TRIM9: variants seen among roughly 807,000 people sequenced by gnomAD.
TRIM9 encodes tripartite motif containing 9.
TRIM9 carries 26 observed loss-of-function variants against 78.3 expected under a neutral mutation model. That is an observed-to-expected ratio of 0.33 (90% CI 0.24 to 0.46). The LOEUF (loss-of-function observed/expected upper bound fraction) is 0.46, where lower values mean the gene tolerates loss of function less well. Among genes scored for constraint, TRIM9 ranks in the 20% least tolerant of loss-of-function variants. The probability of loss-of-function intolerance (pLI) is 1.00; values close to 1 mark genes in which losing one functional copy is unlikely to be tolerated. For missense variants in TRIM9, 787 were observed against 1,036.4 expected (o/e 0.76, Z 3.30); for synonymous variants, 398 against 416.5 (o/e 0.96, Z 0.54).
intron 11 of TRIM9, 65 bp from the exon 12 acceptor site, chr14:50,979,614 G>A: frequency 7.2e-7 from 1 of 1,394,508 alleles, no homozygotes; most frequent in Admixed American, 1.8e-5. Flanking sequence ...CCCCCCTTTT[G>A]TGTGGTGAAA....
intron 5 of TRIM9, among the ~76,000 whole-genome samples, chr14:51,002,249 G>A (rs1383675092): frequency 6.6e-6 from 1 of 151,752 alleles, no homozygotes; most frequent in African/African-American, 2.4e-5. Context: ...AGCCTCCCGA[G>A]TAGCTGGGAC....
At chr14:51,080,722 T>C (rs541288581) in intron 1 of TRIM9, among the ~76,000 whole-genome samples, 34 of 152,126 alleles carry the variant, frequency 2.2e-4, no homozygotes, top group Non-Finnish European at 4.1e-4. Flanking sequence ...CTTTTTTGAA[T>C]ACTGCCATGG....
At chr14:51,078,205 G>A (rs74054039) in intron 1 of TRIM9, among the ~76,000 whole-genome samples, 4,531 of 152,272 alleles carry the variant, frequency 0.03, 166 homozygotes, top group African/African-American at 0.085. Context: ...CATGGTTGGG[G>A]AGATAAAAGA....
At chr14:51,038,360 T>C (rs1474065897) in intron 1 of TRIM9, among the ~76,000 whole-genome samples, 2 of 152,170 alleles carry the variant, frequency 1.3e-5, no homozygotes, top group Non-Finnish European at 2.9e-5. Context: ...CTATGTTGTT[T>C]TAAGTTGCTA....
chr14:51,020,837 T>C (rs1391585273), intron 3 of TRIM9, among the ~76,000 whole-genome samples: 2 of 152,230 alleles, frequency 1.3e-5, no homozygotes, highest in Non-Finnish European at 2.9e-5. Flanking sequence ...GCTGCCTTTA[T>C]GTCTCTCCCA....
chr14:51,050,696 A>C (rs940602724), intron 1 of TRIM9, among the ~76,000 whole-genome samples: 1 of 152,132 alleles, frequency 6.6e-6, no homozygotes, highest in Non-Finnish European at 1.5e-5. Context: ...TCATAACAAG[A>C]ATACAGCTTC....
At chr14:51,087,634 A>G (rs934947764) in intron 1 of TRIM9, among the ~76,000 whole-genome samples, 2 of 152,198 alleles carry the variant, frequency 1.3e-5, no homozygotes, top group Non-Finnish European at 2.9e-5. Context: ...CATTTTATAG[A>G]TAACTCTTGT....
At chr14:51,023,501 A>C (rs1160523621) in intron 2 of TRIM9, among the ~76,000 whole-genome samples, 3 of 152,242 alleles carry the variant, frequency 2.0e-5, no homozygotes, top group Non-Finnish European at 4.4e-5. Context: ...GAAAAAAACA[A>C]TCAATGTGTG....
intron 1 of TRIM9, among the ~76,000 whole-genome samples, chr14:51,069,335 A>G (rs1029694921): frequency 1.3e-5 from 2 of 152,170 alleles, no homozygotes; most frequent in African/African-American, 2.4e-5. Context: ...CTCCTAGAGG[A>G]CATTGGCAAT....
chr14:50,984,884 G>A (rs1003989616), intron 8 of TRIM9, among the ~76,000 whole-genome samples: 2 of 152,128 alleles, frequency 1.3e-5, no homozygotes, highest in Non-Finnish European at 2.9e-5. Context: ...AAAGCATGTT[G>A]GGAAGCCATA....
chr14:51,014,036 C>T (rs2056877408), intron 3 of TRIM9, among the ~76,000 whole-genome samples: 1 of 152,088 alleles, frequency 6.6e-6, no homozygotes, highest in South Asian at 2.1e-4. Context: ...TACTGGAAGT[C>T]CGAATAATAA....
At chr14:51,009,438 TG>T (rs1001912900) in intron 4 of TRIM9, among the ~76,000 whole-genome samples, 4 of 152,164 alleles carry the variant, frequency 2.6e-5, no homozygotes, top group Admixed American at 6.5e-5. Flanking sequence ...TTTTGTGAGT[TG>T]GGGGGCACTA....
chr14:51,013,313 G>T (rs914314194), intron 3 of TRIM9, among the ~76,000 whole-genome samples: 1 of 151,124 alleles, frequency 6.6e-6, no homozygotes, highest in African/African-American at 2.4e-5. Context: ...GATAGTCTTA[G>T]CACCTTGTGA....
At chr14:50,994,502 A>G (rs1252660349) in intron 7 of TRIM9, among the ~76,000 whole-genome samples, 1 of 152,238 alleles carries the variant, frequency 6.6e-6, no homozygotes, top group Non-Finnish European at 1.5e-5. Context: ...CTAAATAGAT[A>G]GACTTTGTCC....
chr14:50,995,960 C>CT lies in TRIM9; in HGVS notation c.1603+2089dup, dbSNP rs34469615. 7.7e-3 allele frequency: 2,395 copies of CT among 311,580 alleles called. 9 individuals carry two copies. The highest frequency in any genetic ancestry group is 9.6e-3 in the Non-Finnish European group (2,049 of 214,536). 19.3% of individuals were successfully genotyped at this position (311,580 alleles called of 1,614,324 possible). A position where few individuals can be genotyped will look rare whatever the true frequency, so the allele number is the denominator to read the frequency against. ...GTCTATTGTTACAGATCGATCATAT[C>CT]TTTTTTTTTAAAATAAGCTATTCAC... is the stretch of plus-strand genomic sequence containing the variant. On this transcript the variant is annotated intron_variant, in intron 7 of 12. Coordinates refer to ENST00000684578, the MANE Select transcript of TRIM9 (RefSeq NM_001387360.1).
At chr14:51,027,409 G>T (rs2058351391) in intron 1 of TRIM9, among the ~76,000 whole-genome samples, 1 of 152,124 alleles carries the variant, frequency 6.6e-6, no homozygotes, top group African/African-American at 2.4e-5. Flanking sequence ...CTCCCAAAGT[G>T]CTGGGATTAC....
chr14:51,053,437 A>G (rs1442494828), intron 1 of TRIM9, among the ~76,000 whole-genome samples: 7 of 151,138 alleles, frequency 4.6e-5, no homozygotes, highest in African/African-American at 1.7e-4. Context: ...AGTTTGTATC[A>G]GTTTGTAGTT....
Position 50,981,974 on chromosome 14 carries a change from AT to A in TRIM9, c.1987del (p.Ile663SerfsTer8). ...ATCTACCGTGAGCTCCCAGTAGTGG[AT>A]GCCCTTGGAGAAGCCAGTCTTCCCT... Reference protein sequence around the residue: ...VLGKTGFSKGIHYWELTVDRY... With the variant: ...VLGKTGFSKGXHYWELTVDRY... On this transcript the variant is annotated frameshift_variant, in exon 11 of 13. Transcript: ENST00000684578. LOFTEE classifies it high-confidence loss of function. The A allele has an allele frequency of 6.2e-7, 1 of 1,614,144 alleles. No homozygotes were observed. Among genetic ancestry groups the A allele is most frequent in the Admixed American group, 1.7e-5 (1 of 60,014 alleles).
At chr14:51,030,484 C>T (rs900423735) in intron 1 of TRIM9, among the ~76,000 whole-genome samples, 12 of 152,134 alleles carry the variant, frequency 7.9e-5, no homozygotes, top group Non-Finnish European at 1.3e-4. Flanking sequence ...AAAGGGCTGG[C>T]GCAGTGAACA....
Sources: allele counts gnomAD v4.1 joint callset (sites outside exome capture counted in the v4.1 genomes callset), GRCh38; gene constraint gnomAD v4.1.1; transcripts MANE v1.5; gene names NCBI Gene and HGNC (gene_info 2026-07-23, HGNC 2026-07-21).